CPLX1: variants seen among roughly 807,000 people sequenced by gnomAD.
CPLX1 encodes the protein complexin 1, also known as complexin-1.
In CPLX1, 6 loss-of-function variants were observed where a neutral mutation model predicts 15.6. The observed-to-expected ratio is 0.39, with a 90% CI of 0.21 to 0.76. The LOEUF is 0.76. Ranked by LOEUF, CPLX1 falls within the 30% of genes least tolerant of loss-of-function variation. The pLI is 0.43. For missense variants in CPLX1, 242 were observed against 188.6 expected (o/e 1.28, Z -1.66); for synonymous variants, 91 against 75.2 (o/e 1.21, Z -1.08).
At chr4:823,252 A>T (rs1250694034) in intron 2 of CPLX1, among the ~76,000 whole-genome samples, 1 of 152,048 alleles carries the variant, frequency 6.6e-6, no homozygotes, top group Non-Finnish European at 1.5e-5. Context: ...AATTAGACTC[A>T]ACCTGACTCT....
intron 2 of CPLX1, among the ~76,000 whole-genome samples, chr4:818,728 G>C (rs1015311135): frequency 3.9e-5 from 6 of 152,242 alleles, no homozygotes; most frequent in Non-Finnish European, 5.9e-5. Context: ...GGCACTGTTT[G>C]GGTCACTTAT....
intron 2 of CPLX1, among the ~76,000 whole-genome samples, chr4:805,168 C>T (rs567454120): frequency 7.9e-5 from 12 of 152,314 alleles, no homozygotes; most frequent in African/African-American, 1.9e-4. Flanking sequence ...GCGCTGCAGC[C>T]GGAGAGCCAC....
At chr4:798,377 G>A (rs1266796315) in intron 2 of CPLX1, among the ~76,000 whole-genome samples, 1 of 151,956 alleles carries the variant, frequency 6.6e-6, no homozygotes, top group Non-Finnish European at 1.5e-5. Context: ...TGACAGAGCT[G>A]CAGAGGGAAT....
In CPLX1 at chr4:785,381, G is replaced by A. The variant is rs1745949419; in HGVS notation, c.*1120C>T. 6.6e-6 allele frequency: 1 copy of A among 152,622 alleles called. No individual in the cohort carries two copies. Among genetic ancestry groups the A allele is most frequent in the Non-Finnish European group, 1.5e-5 (1 of 68,056 alleles). 9.5% of individuals were successfully genotyped at this position (152,622 alleles called of 1,614,324 possible). ...GTAAGGTCATGAAGGTCAATGCCAA[G>A]CCACGCCCTGGCCCGAAACACGTGG... On this transcript the variant is annotated 3_prime_UTR_variant, in exon 4 of 4. Transcript: ENST00000304062.
intron 2 of CPLX1, among the ~76,000 whole-genome samples, chr4:820,061 C>G (rs965853793): frequency 6.6e-6 from 1 of 152,206 alleles, no homozygotes; most frequent in South Asian, 2.1e-4. Flanking sequence ...GCTTCACCTC[C>G]GGATCTGCTG....
At chr4:790,547 G>C (rs1746139442) in intron 3 of CPLX1, among the ~76,000 whole-genome samples, 2 of 152,138 alleles carry the variant, frequency 1.3e-5, no homozygotes, top group Admixed American at 1.3e-4. Context: ...TGCTGGCCCT[G>C]TCCCCACCTC....
chr4:788,537 C>A, intron 3 of CPLX1: 1 of 985,478 alleles, frequency 1.0e-6, no homozygotes, highest in Non-Finnish European at 1.2e-6. Context: ...AGGGTAGGAA[C>A]GTTCTCCGCA....
At position 804,789 on chromosome 4, in the gene CPLX1, C is replaced by CAG. The variant is rs1438378732; in HGVS notation, c.32-12183_32-12182dup. The CAG allele has an allele frequency of 4.1e-6, 4 of 985,298 alleles. No individual in the cohort carries two copies. In the African/African-American group the frequency reaches 5.2e-5, roughly 13 times the overall value. The allele number at this position is 985,298 out of a possible 1,614,324, so 61.0% of individuals were successfully genotyped here. A position where few individuals can be genotyped will look rare whatever the true frequency, so the allele number is the denominator to read the frequency against. ...GGCTCGGGAAGTGCCTGCAGAGTCCCAGAGACGGCTCTGGCGGTCGTCAGC... is the reference window on the plus strand; with the variant it reads ...GGCTCGGGAAGTGCCTGCAGAGTCCCAGAGAGACGGCTCTGGCGGTCGTCAGC... On this transcript the variant is annotated intron_variant, in intron 2 of 3. Coordinates refer to ENST00000304062, the MANE Select transcript of CPLX1 (RefSeq NM_006651.4).
intron 2 of CPLX1, among the ~76,000 whole-genome samples, chr4:821,479 G>T (rs1484743767): frequency 6.6e-6 from 1 of 152,202 alleles, no homozygotes; most frequent in East Asian, 1.9e-4. Context: ...GTCACATCAA[G>T]GCGGAGGATG....
At chr4:789,102 A>C (rs1403239594) in intron 3 of CPLX1, among the ~76,000 whole-genome samples, 3 of 152,198 alleles carry the variant, frequency 2.0e-5, no homozygotes, top group Non-Finnish European at 4.4e-5. Context: ...TCTGAGGCTG[A>C]GGTCACGCCG....
At chr4:793,601 G>A (rs1746247512) in intron 2 of CPLX1, among the ~76,000 whole-genome samples, 1 of 152,222 alleles carries the variant, frequency 6.6e-6, no homozygotes. Context: ...GAGGTGACTT[G>A]GCAGAGCGGC....
chr4:808,980 G>A (rs898804446), intron 2 of CPLX1, among the ~76,000 whole-genome samples: 2 of 152,270 alleles, frequency 1.3e-5, no homozygotes, highest in Admixed American at 1.3e-4. Context: ...AATTGGTGGA[G>A]AGATAGCGAT....
chr4:825,646 G>A (rs1361327514), intron 1 of CPLX1, among the ~76,000 whole-genome samples: 1 of 151,762 alleles, frequency 6.6e-6, no homozygotes, highest in Non-Finnish European at 1.5e-5. Flanking sequence ...CTCGAGACAG[G>A]AAGAAGCGAG....
chr4:799,527 C>T (rs1305716882), intron 2 of CPLX1, among the ~76,000 whole-genome samples: 1 of 152,216 alleles, frequency 6.6e-6, no homozygotes, highest in Non-Finnish European at 1.5e-5. Flanking sequence ...CCCTTCAGGC[C>T]TGGCCATGTG....
At chr4:818,235 GGT>G (rs1414801869) in intron 2 of CPLX1, among the ~76,000 whole-genome samples, 1 of 152,234 alleles carries the variant, frequency 6.6e-6, no homozygotes, top group Non-Finnish European at 1.5e-5. Context: ...GCGCTGGAGA[GGT>G]GTTGCAGCAC....
At chr4:793,609 G>A (rs534808345) in intron 2 of CPLX1, among the ~76,000 whole-genome samples, 1 of 152,308 alleles carries the variant, frequency 6.6e-6, no homozygotes, top group African/African-American at 2.4e-5. Flanking sequence ...TTGGCAGAGC[G>A]GCCAGGCTCC....
intron 3 of CPLX1, among the ~76,000 whole-genome samples, chr4:791,019 C>T (rs1056204389): frequency 6.6e-6 from 1 of 152,040 alleles, no homozygotes; most frequent in South Asian, 2.1e-4. Context: ...GTCTCTGTTC[C>T]TCTCTGTTCT....
chr4:813,774 C>T (rs1284926212), intron 2 of CPLX1, among the ~76,000 whole-genome samples: 1 of 152,088 alleles, frequency 6.6e-6, no homozygotes, highest in Non-Finnish European at 1.5e-5. Flanking sequence ...GCCACACTCC[C>T]CAAAAGACCT....
chr4:793,059 C>A (rs1176917283), intron 2 of CPLX1, among the ~76,000 whole-genome samples: 1 of 152,174 alleles, frequency 6.6e-6, no homozygotes, highest in Non-Finnish European at 1.5e-5. Context: ...TGACTGCATG[C>A]GGTTGTGTGA....
Sources: allele counts gnomAD v4.1 joint callset (sites outside exome capture counted in the v4.1 genomes callset), GRCh38; gene constraint gnomAD v4.1.1; transcripts MANE v1.5; gene names NCBI Gene and HGNC (gene_info 2026-07-23, HGNC 2026-07-21).